The following GALNT2 variants were observed in gnomAD, a reference collection of about 807,000 sequenced individuals.
The protein encoded by GALNT2 is UDP-GalNAc:polypeptide N-acetylgalactosaminyltransferase 2.
Under a neutral mutation model 81.4 loss-of-function variants are expected in GALNT2, and 31 were observed. The ratio of observed to expected loss-of-function variants is 0.38; its 90% CI spans 0.29 to 0.51. The LOEUF is 0.51. Among genes scored for constraint, GALNT2 ranks in the 20% least tolerant of loss-of-function variants. The pLI, the probability that GALNT2 is intolerant of heterozygous loss-of-function variation, is 0.87. For synonymous variants in GALNT2, 303 were observed against 287.4 expected, an observed-to-expected ratio of 1.05 and a Z score of -0.55; for missense variants, 629 against 765.7, an observed-to-expected ratio of 0.82 and a Z score of 2.11.
intron 1 of GALNT2, among the ~76,000 whole-genome samples, chr1:230,146,617 C>T (rs1476894776): frequency 1.3e-5 from 2 of 152,116 alleles, no homozygotes; most frequent in African/African-American, 4.8e-5. Flanking sequence ...AAACTCGGCT[C>T]TCAGGGAGCT....
At chr1:230,187,225 C>T (rs936784756) in intron 2 of GALNT2, among the ~76,000 whole-genome samples, 5 of 152,212 alleles carry the variant, frequency 3.3e-5, no homozygotes, top group East Asian at 3.8e-4. Flanking sequence ...ATTTTCTGAT[C>T]GCACACTCTA....
chr1:230,062,169 G>A (rs897363316), intron 1 of GALNT2, among the ~76,000 whole-genome samples: 3 of 152,094 alleles, frequency 2.0e-5, no homozygotes, highest in South Asian at 2.1e-4. Context: ...AAAGTTTAAT[G>A]TCTTTCCATA....
At position 230,107,610 on chromosome 1, in the gene GALNT2, TTGTGTGTGTG is replaced by T. The variant is rs3033608; in HGVS notation, c.126+40229_126+40238del. Among the ~76,000 whole-genome samples the T allele has an allele frequency of 5.9e-4, 83 of 141,206 alleles. 1 individual carries two copies. The East Asian group carries it at 0.012, about 20-fold the overall frequency. 92.6% of individuals were successfully genotyped at this position (141,206 alleles called of 152,430 possible). ...AAATTCTCATTTCTTCTCATGGACT[TTGTGTGTGTG>T]TGTGTGTGTGTGTGTGTGTGTGTGG... On this transcript the variant is annotated intron_variant, in intron 1 of 15. Coordinates refer to ENST00000366672, the MANE Select transcript of GALNT2 (RefSeq NM_004481.5).
chr1:230,103,262 C>T (rs936196892), intron 1 of GALNT2, among the ~76,000 whole-genome samples: 1 of 152,256 alleles, frequency 6.6e-6, no homozygotes, highest in East Asian at 1.9e-4. Flanking sequence ...ATTTTAGTAA[C>T]GTTCATGGAA....
intron 1 of GALNT2, among the ~76,000 whole-genome samples, chr1:230,111,524 G>A (rs887628944): frequency 6.6e-6 from 1 of 152,146 alleles, no homozygotes; most frequent in Non-Finnish European, 1.5e-5. Flanking sequence ...CCTCCTTCAG[G>A]GCATGTACCC....
In GALNT2 at chr1:230,159,985, G is replaced by A. The variant is rs192791389; in HGVS notation, c.127-18233G>A. Reference sequence around the variant, plus strand: ...TGGGGAGTCCTCTCTGTGGGGTGTCGTCTGAATCCAGCAGCCGCACCACCC... The same window carrying A: ...TGGGGAGTCCTCTCTGTGGGGTGTCATCTGAATCCAGCAGCCGCACCACCC... On this transcript the variant is annotated intron_variant, in intron 1 of 15. Coordinates refer to ENST00000366672, the MANE Select transcript of GALNT2 (RefSeq NM_004481.5). Among the ~76,000 whole-genome samples, 31 of 152,198 alleles carry A rather than the reference G, an allele frequency of 2.0e-4. No individual in the cohort carries two copies. In the South Asian group the frequency reaches 4.8e-3, roughly 23 times the overall value.
At chr1:230,127,577 T>C (rs753597571) in intron 1 of GALNT2, among the ~76,000 whole-genome samples, 1 of 152,036 alleles carries the variant, frequency 6.6e-6, no homozygotes, top group Non-Finnish European at 1.5e-5. Flanking sequence ...GGTTTCACCA[T>C]GTTAGCCAGG....
chr1:230,104,578 T>A (rs933773791), intron 1 of GALNT2, among the ~76,000 whole-genome samples: 2 of 152,218 alleles, frequency 1.3e-5, no homozygotes, highest in Non-Finnish European at 2.9e-5. Context: ...AGCTGCTTCG[T>A]GATGGCCGCC....
chr1:230,190,765 A>T (rs1558132146), intron 2 of GALNT2, among the ~76,000 whole-genome samples: 1 of 151,918 alleles, frequency 6.6e-6, no homozygotes, highest in Non-Finnish European at 1.5e-5. Flanking sequence ...TATATCGGGA[A>T]CTCCTTTTCA....
intron 1 of GALNT2, among the ~76,000 whole-genome samples, chr1:230,105,560 C>T (rs985049627): frequency 6.6e-6 from 1 of 152,166 alleles, no homozygotes; most frequent in Non-Finnish European, 1.5e-5. Context: ...AACCGTGTTG[C>T]TCTTGTGTAA....
At chr1:230,174,338 T>C (rs1239621873) in intron 1 of GALNT2, among the ~76,000 whole-genome samples, 1 of 152,214 alleles carries the variant, frequency 6.6e-6, no homozygotes, top group African/African-American at 2.4e-5. Context: ...TCACCTTCCC[T>C]GAGTGGTCTC....
At chr1:230,171,369 T>C (rs1368380803) in intron 1 of GALNT2, among the ~76,000 whole-genome samples, 1 of 152,272 alleles carries the variant, frequency 6.6e-6, no homozygotes, top group Non-Finnish European at 1.5e-5. Context: ...TTTAAAAATT[T>C]CTGGCAACCT....
At chr1:230,219,268 C>T (rs1323059683) in intron 3 of GALNT2, among the ~76,000 whole-genome samples, 3 of 152,196 alleles carry the variant, frequency 2.0e-5, no homozygotes, top group Non-Finnish European at 4.4e-5. Context: ...GGCCAAGGTA[C>T]TTGTTCTTGA....
chr1:230,277,638 G>A (rs555966836), intron 15 of GALNT2, among the ~76,000 whole-genome samples: 2 of 152,338 alleles, frequency 1.3e-5, no homozygotes, highest in African/African-American at 4.8e-5. Context: ...AAGAACTCCA[G>A]GTGAGCAGGT....
chr1:230,215,442 A>G (rs1285600912), intron 3 of GALNT2, among the ~76,000 whole-genome samples: 2 of 152,224 alleles, frequency 1.3e-5, no homozygotes, highest in African/African-American at 2.4e-5. Context: ...AGTGCCTTCA[A>G]ATAGATTCTT....
rs1659351814 is a variant in GALNT2, at chr1:230,070,942, T to A, written c.126+3536T>A. Among the ~76,000 whole-genome samples the A allele has an allele frequency of 6.6e-6, 1 of 152,208 alleles. No homozygotes were observed. Among genetic ancestry groups the A allele is most frequent in the Admixed American group, 6.5e-5 (1 of 15,290 alleles). On this transcript the variant is annotated intron_variant, in intron 1 of 15. Coordinates refer to ENST00000366672, the MANE Select transcript of GALNT2 (RefSeq NM_004481.5). The surrounding 1 kb of genome is among the most constrained non-coding windows in gnomAD (Gnocchi z 4.7). ...AGTGAGACCTAGCTGTTTACCTCTT[T>A]GTGCTTAGTGACCTTCACTGATGCA...
intron 2 of GALNT2, among the ~76,000 whole-genome samples, chr1:230,183,394 A>C (rs1291807354): frequency 6.6e-6 from 1 of 151,552 alleles, no homozygotes; most frequent in Non-Finnish European, 1.5e-5. Flanking sequence ...GTTTTAATTG[A>C]GCTTTCTGTA....
At chr1:230,190,933 G>T (rs1663502569) in intron 2 of GALNT2, among the ~76,000 whole-genome samples, 1 of 152,138 alleles carries the variant, frequency 6.6e-6, no homozygotes, top group Admixed American at 6.5e-5. Flanking sequence ...TTCTTGAAAT[G>T]AATTCCTAAA....
At chr1:230,148,017 G>A (rs1997947) in intron 1 of GALNT2, among the ~76,000 whole-genome samples, 117,693 of 152,158 alleles carry the variant, frequency 0.77, 46,065 homozygotes, top group Admixed American at 0.8. Flanking sequence ...CAGCAACCTC[G>A]AGGATAGTCA....
Sources: gnomAD v4.1 joint callset for allele counts (sites outside exome capture counted in the v4.1 genomes callset) on GRCh38, gnomAD v4.1.1 for gene constraint, Gnocchi (gnomAD v3.1) non-coding constraint, MANE v1.5 for transcripts, NCBI Gene and HGNC (gene_info 2026-07-23, HGNC 2026-07-21) for gene names.